GSE1: variants seen among roughly 807,000 people sequenced by gnomAD.
GSE1 encodes the protein genetic suppressor element 1.
Under a neutral mutation model 112.6 loss-of-function variants are expected in GSE1, and 32 were observed. The ratio of observed to expected loss-of-function variants is 0.28; its 90% CI spans 0.21 to 0.38. GSE1 has a LOEUF of 0.38. Among genes scored for constraint, GSE1 ranks in the 10% least tolerant of loss-of-function variants. GSE1 has a pLI of 1.00. For missense variants in GSE1, 2,348 were observed against 1,699.2 expected (o/e 1.38, Z -6.71); for synonymous variants, 1,115 against 735.6 (o/e 1.52, Z -8.35).
At chr16:85,521,449 T>C (rs1024004514) in intron 2 of GSE1, among the ~76,000 whole-genome samples, 3 of 152,160 alleles carry the variant, frequency 2.0e-5, no homozygotes, top group Non-Finnish European at 2.9e-5. Flanking sequence ...TCCTCCTGCC[T>C]GCAGCAGAAT....
At chr16:85,606,999 G>A (rs2047733911), upstream of GSE1, among the ~76,000 whole-genome samples, 2 of 138,494 alleles carry the variant, frequency 1.4e-5, no homozygotes, top group African/African-American at 2.7e-5. Flanking sequence ...CAGAGAGTGC[G>A]TTTCCTTGCT....
chr16:85,331,405 ATATATATGCG>A (rs2046348012), intron 1 of GSE1, among the ~76,000 whole-genome samples: 1 of 141,688 alleles, frequency 7.1e-6, no homozygotes, highest in African/African-American at 2.6e-5. Context: ...GTATATATGT[ATATATATGCG>A]TATATATGTA....
chr16:85,588,800 G>A (rs1338985400), intron 1 of GSE1, among the ~76,000 whole-genome samples: 1 of 152,154 alleles, frequency 6.6e-6, no homozygotes, highest in Non-Finnish European at 1.5e-5. Flanking sequence ...ACGCTGGAGG[G>A]CTGAGGACAG....
upstream of GSE1, among the ~76,000 whole-genome samples, chr16:85,554,380 A>C (rs2045091679): frequency 6.6e-6 from 1 of 152,022 alleles, no homozygotes; most frequent in Non-Finnish European, 1.5e-5. Flanking sequence ...GTTTTCTTAA[A>C]CCAAATTAGC....
intron 1 of GSE1, among the ~76,000 whole-genome samples, chr16:85,184,641 G>A (rs143936844): frequency 2.0e-5 from 3 of 152,258 alleles, no homozygotes; most frequent in Non-Finnish European, 4.4e-5. Context: ...CCCACACTTT[G>A]TGATAAGTCA....
intron 2 of GSE1, among the ~76,000 whole-genome samples, chr16:85,389,813 C>A (rs1422070112): frequency 4.6e-5 from 7 of 152,166 alleles, no homozygotes; most frequent in Non-Finnish European, 1.0e-4. Flanking sequence ...CTAGTATTGC[C>A]CCCATTTAAT....
At chr16:85,526,966 G>A (rs924424767) in intron 2 of GSE1, among the ~76,000 whole-genome samples, 2 of 152,248 alleles carry the variant, frequency 1.3e-5, no homozygotes, top group African/African-American at 4.8e-5. Context: ...CAATATGGAT[G>A]TTAAATTAAG....
At chr16:85,415,927 C>T (rs536896303) in intron 2 of GSE1, among the ~76,000 whole-genome samples, 1 of 152,208 alleles carries the variant, frequency 6.6e-6, no homozygotes, top group Non-Finnish European at 1.5e-5. Flanking sequence ...CATCGAAGGC[C>T]GAGCAATAAC....
In GSE1 at chr16:85,634,083, C is replaced by G; in HGVS notation, c.177C>G (p.Ser59Arg). ...CGGCCCAGGCCGCGCCATCCTCCAG[C>G]TTTGCCGCCGCGCTGCGCAAGCTCG... is the stretch of plus-strand genomic sequence containing the variant. ...ALSAQAAPSS[S>R]FAAALRKLAK... Residue 59 changes from serine (S) to arginine (R), a missense_variant, in exon 2 of 16, where the codon AGC becomes AGG. By Grantham distance (110) the Ser-to-Arg change is moderately radical. Transcript: ENST00000253458. 6.3e-7 allele frequency: 1 copy of G among 1,599,054 alleles called. No homozygotes were observed. Among genetic ancestry groups the G allele is most frequent in the Non-Finnish European group, 8.5e-7 (1 of 1,173,854 alleles).
chr16:85,545,002 T>A (rs910314323), intron 2 of GSE1, among the ~76,000 whole-genome samples: 3 of 152,182 alleles, frequency 2.0e-5, no homozygotes, highest in African/African-American at 7.2e-5. Flanking sequence ...TCTCCTCCCC[T>A]CGGGAGACCT....
chr16:85,350,515 C>A (rs538342738), intron 1 of GSE1, among the ~76,000 whole-genome samples: 4 of 152,166 alleles, frequency 2.6e-5, no homozygotes, highest in Non-Finnish European at 5.9e-5. Flanking sequence ...AACTGCCCAG[C>A]AGCCAGGGTG....
chr16:85,667,816 C>G (rs893437167), intron 13 of GSE1, among the ~76,000 whole-genome samples: 4 of 152,180 alleles, frequency 2.6e-5, no homozygotes. Context: ...CGAGATCACG[C>G]CATTTCTCTC....
At chr16:85,259,284 GCCCA>G (rs1907417224) in intron 1 of GSE1, among the ~76,000 whole-genome samples, 1 of 74,336 alleles carries the variant, frequency 1.3e-5, no homozygotes, top group Admixed American at 1.1e-4. Flanking sequence ...CTCCACCCTG[GCCCA>G]CCCTGTGCTC....
intron 1 of GSE1, among the ~76,000 whole-genome samples, chr16:85,224,371 A>T (rs1289980960): frequency 6.7e-6 from 1 of 149,678 alleles, no homozygotes; most frequent in Non-Finnish European, 1.5e-5. Flanking sequence ...CAAACTCATT[A>T]AAAAAAAATT....
In GSE1 at chr16:85,210,741, G is replaced by A. The variant is rs183021135; in HGVS notation, c.2283+38934G>A. On this transcript the variant is annotated intron_variant, in intron 1 of 2. Transcript: ENST00000637419. ...CTGCATGAGGCTGTGATTAGGTGAC[G>A]GGGGTGCCACCCGCTGCCCATTGAA... Among the ~76,000 whole-genome samples the A allele has an allele frequency of 5.9e-3, 906 of 152,304 alleles. 7 individuals carry two copies. Among genetic ancestry groups the A allele is most frequent in the African/African-American group, 0.021 (862 of 41,554 alleles).
intron 1 of GSE1, among the ~76,000 whole-genome samples, chr16:85,273,501 G>A (rs1039066115): frequency 8.5e-5 from 13 of 152,152 alleles, no homozygotes; most frequent in African/African-American, 2.9e-4. Flanking sequence ...CAGATCCATG[G>A]TGCAGCATGG....
chr16:85,403,422 C>G (rs1015404826), intron 2 of GSE1, among the ~76,000 whole-genome samples: 1 of 152,070 alleles, frequency 6.6e-6, no homozygotes, highest in Non-Finnish European at 1.5e-5. Flanking sequence ...ACTGAGTGTT[C>G]GGAGAATGAG....
chr16:85,563,233 T>A (rs1470630953), intron 1 of GSE1, among the ~76,000 whole-genome samples: 1 of 150,992 alleles, frequency 6.6e-6, no homozygotes, highest in African/African-American at 2.4e-5. Flanking sequence ...AGATTTAAAG[T>A]CCTTTTGTTA....
At chr16:85,518,646 C>T (rs1046396229) in intron 2 of GSE1, among the ~76,000 whole-genome samples, 4 of 152,104 alleles carry the variant, frequency 2.6e-5, no homozygotes, top group African/African-American at 9.7e-5. Flanking sequence ...GCATCTTATG[C>T]ATAGGTGAGG....
Sources: gnomAD v4.1 joint callset for allele counts (sites outside exome capture counted in the v4.1 genomes callset) on GRCh38, gnomAD v4.1.1 for gene constraint, MANE v1.5 for transcripts, NCBI Gene and HGNC (gene_info 2026-07-23, HGNC 2026-07-21) for gene names.